Variants in EPS15 observed in about 807,000 individuals in gnomAD.
EPS15 encodes the protein epidermal growth factor receptor substrate 15.
In EPS15, 72 loss-of-function variants were observed where a neutral mutation model predicts 113.8. The observed-to-expected ratio is 0.63, with a 90% CI of 0.52 to 0.77. EPS15 has a LOEUF of 0.77. Among genes scored for constraint, EPS15 ranks in the 30% least tolerant of loss-of-function variants. The pLI, the probability that EPS15 is intolerant of heterozygous loss-of-function variation, is 0.00. For missense variants in EPS15, 1,048 were observed against 1,045.8 expected, an observed-to-expected ratio of 1.00 and a Z score of -0.03; for synonymous variants, 344 against 363.4, an observed-to-expected ratio of 0.95 and a Z score of 0.61.
chr1:51,486,479 A>C (rs1644125273), intron 1 of EPS15, among the ~76,000 whole-genome samples: 1 of 151,692 alleles, frequency 6.6e-6, no homozygotes, highest in South Asian at 2.1e-4. Flanking sequence ...GCAACACTTA[A>C]ATCTGGTGGA....
At chr1:51,510,154 T>C (rs1007607800) in intron 1 of EPS15, among the ~76,000 whole-genome samples, 10 of 152,196 alleles carry the variant, frequency 6.6e-5, no homozygotes, top group African/African-American at 2.4e-4. Flanking sequence ...TCAGTAAGTA[T>C]TATTGTTATT....
Position 51,519,218 on chromosome 1 carries a change from G to T in EPS15, c.14C>A (p.Ala5Asp). MAAA[A>D]QLSLTQLSSG... Reference sequence around the variant, plus strand: ...CGTTACCTGTGTCAGAGAGAGCTGGGCCGCCGCAGCCATGGTGTTTCCATC... The same window carrying T: ...CGTTACCTGTGTCAGAGAGAGCTGGTCCGCCGCAGCCATGGTGTTTCCATC... The change falls in exon 1 of 25, where the codon GCC (alanine) becomes GAC (aspartate). Residue 5 changes from alanine to aspartate, a missense_variant. Coordinates refer to ENST00000371733, the MANE Select transcript of EPS15 (RefSeq NM_001981.3). The T allele has an allele frequency of 1.4e-6, 2 of 1,396,374 alleles. No individual in the cohort carries two copies. Among genetic ancestry groups the T allele is most frequent in the Non-Finnish European group, 1.9e-6 (2 of 1,062,102 alleles). 86.5% of individuals were successfully genotyped at this position (1,396,374 alleles called of 1,614,324 possible). A position where few individuals can be genotyped will look rare whatever the true frequency, so the allele number is the denominator to read the frequency against.
chr1:51,372,534 T>G (rs910541574), intron 21 of EPS15: 9 of 530,206 alleles, frequency 1.7e-5, no homozygotes, highest in Non-Finnish European at 3.4e-5. Flanking sequence ...CAAAGAATAG[T>G]TGGGTGGTAC....
intron 21 of EPS15, among the ~76,000 whole-genome samples, chr1:51,369,615 T>TTTA (rs768281901): frequency 2.1e-4 from 32 of 152,250 alleles, no homozygotes; most frequent in Admixed American, 3.9e-4. Flanking sequence ...AGCATACTTC[T>TTTA]TTAACAGCCT....
chr1:51,515,338 C>T (rs1644695100), intron 1 of EPS15, among the ~76,000 whole-genome samples: 1 of 151,752 alleles, frequency 6.6e-6, no homozygotes, highest in Admixed American at 6.6e-5. Flanking sequence ...CTGGGCATGG[C>T]GATGCACACT....
chr1:51,506,786 G>GA (rs79949080), intron 1 of EPS15, among the ~76,000 whole-genome samples: 1,757 of 98,726 alleles, frequency 0.018, 24 homozygotes, highest in African/African-American at 0.049. Context: ...AAGTGTGCCA[G>GA]AAAAAAAAAA....
intron 11 of EPS15, among the ~76,000 whole-genome samples, 179 bp downstream of exon 11, chr1:51,444,710 G>A (rs1056750277): frequency 1.3e-5 from 2 of 152,064 alleles, no homozygotes; most frequent in African/African-American, 4.8e-5. Context: ...ACTGGCCAAG[G>A]ATGTTATACA....
chr1:51,385,537 C>T (rs1647043161), intron 21 of EPS15, among the ~76,000 whole-genome samples: 1 of 152,126 alleles, frequency 6.6e-6, no homozygotes, highest in Admixed American at 6.6e-5. Context: ...ACCATATGAT[C>T]CAGCAATTCT....
chr1:51,474,474 A>G (rs2148514580), intron 2 of EPS15, among the ~76,000 whole-genome samples: 1 of 152,350 alleles, frequency 6.6e-6, no homozygotes, highest in Middle Eastern at 3.4e-3. Context: ...TCATAAAAGC[A>G]GACTTCTAAT....
rs969712917 is a variant in EPS15, at chr1:51,355,618, C to A, written c.*1082G>T. The A allele has an allele frequency of 5.3e-6, 1 of 189,152 alleles. No individual in the cohort carries two copies. Among genetic ancestry groups the A allele is most frequent in the South Asian group, 2.0e-4 (1 of 5,110 alleles). The allele number at this position is 189,152 out of a possible 1,614,324, so 11.7% of individuals were successfully genotyped here. ...TGAAGTGAGTAAATAAACTAAACCA[C>A]AAAGATGGACAAAAAGCAATATGAT... On this transcript the variant is annotated 3_prime_UTR_variant, in exon 25 of 25. Coordinates refer to ENST00000371733, the MANE Select transcript of EPS15 (RefSeq NM_001981.3).
intron 20 of EPS15, among the ~76,000 whole-genome samples, chr1:51,395,091 C>A (rs1306223121): frequency 6.6e-6 from 1 of 152,074 alleles, no homozygotes. Context: ...AAATCCTGGC[C>A]TCAAGAAATC....
chr1:51,380,613 A>G (rs1484254909), intron 21 of EPS15, among the ~76,000 whole-genome samples: 1 of 152,214 alleles, frequency 6.6e-6, no homozygotes, highest in Non-Finnish European at 1.5e-5. Context: ...ATAAATGAAG[A>G]CCGTAATAGA....
chr1:51,480,087 T>C (rs544714290), intron 2 of EPS15, among the ~76,000 whole-genome samples: 7 of 152,252 alleles, frequency 4.6e-5, no homozygotes, highest in Non-Finnish European at 8.8e-5. Flanking sequence ...TTGATATTTT[T>C]CAGGCAGAAA....
intron 16 of EPS15, among the ~76,000 whole-genome samples, chr1:51,404,328 A>C (rs1489536682): frequency 1.3e-5 from 2 of 151,350 alleles, no homozygotes; most frequent in Non-Finnish European, 2.9e-5. Flanking sequence ...CAGTGAGCTG[A>C]GATTGCGCCA....
At chr1:51,514,756 T>C (rs570315848) in intron 1 of EPS15, among the ~76,000 whole-genome samples, 1 of 152,308 alleles carries the variant, frequency 6.6e-6, no homozygotes, top group South Asian at 2.1e-4. Flanking sequence ...TTGTTCCTAA[T>C]TAATTTTAAC....
chr1:51,475,950 TTTC>T (rs1258659072), intron 2 of EPS15, among the ~76,000 whole-genome samples: 9 of 152,354 alleles, frequency 5.9e-5, no homozygotes, highest in Non-Finnish European at 1.2e-4. Flanking sequence ...CCTTTCCCCA[TTTC>T]TTGTTTTTGT....
intron 1 of EPS15, among the ~76,000 whole-genome samples, chr1:51,508,338 G>GAGAGAGAAAGAA (rs1553139582): frequency 8.2e-6 from 1 of 122,332 alleles, no homozygotes; most frequent in East Asian, 2.3e-4. Context: ...AAGAGAAAGA[G>GAGAGAGAAAGAA]AGAAAGAAAG....
At position 51,461,076 on chromosome 1, in the gene EPS15, C is replaced by T; in HGVS notation, c.561+15G>A. 6.5e-7 allele frequency: 1 copy of T among 1,533,716 alleles called. No individual in the cohort carries two copies. Among genetic ancestry groups the T allele is most frequent in the Non-Finnish European group, 9.0e-7 (1 of 1,107,260 alleles). Reference sequence around the variant, plus strand: ...ATTAAGATAATGAAGATGTTAAGAACATTAGATTACTTACAACTGCAAACT... The same window carrying T: ...ATTAAGATAATGAAGATGTTAAGAATATTAGATTACTTACAACTGCAAACT... On this transcript the variant is annotated intron_variant, in intron 8 of 24. Transcript: ENST00000371733.
At chr1:51,423,231 T>C in intron 12 of EPS15, 1 of 1,289,006 alleles carries the variant, frequency 7.8e-7, no homozygotes, top group Non-Finnish European at 1.0e-6. Flanking sequence ...GGTCGCAATG[T>C]GGGTCGCGAT....
Sources: gnomAD v4.1 joint callset for allele counts (sites outside exome capture counted in the v4.1 genomes callset) on GRCh38, gnomAD v4.1.1 for gene constraint, MANE v1.5 for transcripts, NCBI Gene and HGNC (gene_info 2026-07-23, HGNC 2026-07-21) for gene names.